ROBO1: variants seen among roughly 807,000 people sequenced by gnomAD.
ROBO1 encodes the protein roundabout guidance receptor 1.
ROBO1 carries 149 observed loss-of-function variants against 195.9 expected under a neutral mutation model. That is an observed-to-expected ratio of 0.76 (90% CI 0.67 to 0.87). ROBO1 has a LOEUF of 0.87. ROBO1 is among the 40% of genes least tolerant of loss of function. The pLI is 0.00. For missense variants in ROBO1, 1,933 were observed against 2,068.3 expected, an observed-to-expected ratio of 0.93 and a Z score of 1.27; for synonymous variants, 816 against 733.2, an observed-to-expected ratio of 1.11 and a Z score of -1.82.
intron 4 of ROBO1, among the ~76,000 whole-genome samples, chr3:78,860,832 C>T (rs1290148692): frequency 2.0e-5 from 3 of 152,120 alleles, no homozygotes; most frequent in Admixed American, 6.5e-5. Flanking sequence ...CACCTTCACC[C>T]GAAATTCTAT....
chr3:79,001,052 A>G lies in ROBO1; in HGVS notation c.173-62125T>C, dbSNP rs547156724. ...AACCAAACACCGCATGTTCTCACTCATAAGTGGGAGCTGAACAATGAGAAC... is the reference window on the plus strand; with the variant it reads ...AACCAAACACCGCATGTTCTCACTCGTAAGTGGGAGCTGAACAATGAGAAC... On this transcript the variant is annotated intron_variant, in intron 3 of 30. Coordinates refer to ENST00000464233, the MANE Select transcript of ROBO1 (RefSeq NM_002941.4). 2.0e-5 allele frequency among the ~76,000 whole-genome samples: 3 copies of G among 152,202 alleles called. No individual in the cohort carries two copies. In the South Asian group the frequency reaches 6.2e-4, roughly 32 times the overall value.
At chr3:78,867,259 C>G (rs1357143945) in intron 4 of ROBO1, among the ~76,000 whole-genome samples, 1 of 152,168 alleles carries the variant, frequency 6.6e-6, no homozygotes, top group Non-Finnish European at 1.5e-5. Context: ...AACTGGAAAA[C>G]TGCCTCCTTC....
intron 2 of ROBO1, among the ~76,000 whole-genome samples, chr3:79,502,722 T>C (rs1302153056): frequency 6.6e-6 from 1 of 151,704 alleles, no homozygotes; most frequent in Non-Finnish European, 1.5e-5. Context: ...TATGTCTAGC[T>C]AAGGGATTGT....
chr3:79,637,317 A>G (rs1945523840), intron 1 of ROBO1, among the ~76,000 whole-genome samples: 1 of 151,816 alleles, frequency 6.6e-6, no homozygotes, highest in Non-Finnish European at 1.5e-5. Flanking sequence ...AGATTGAAAC[A>G]TTTATATGAC....
chr3:79,198,695 G>A (rs2081693748), intron 2 of ROBO1, among the ~76,000 whole-genome samples: 1 of 152,032 alleles, frequency 6.6e-6, no homozygotes, highest in African/African-American at 2.4e-5. Context: ...CCATTTGTTT[G>A]TGTCCTCTTT....
At chr3:79,509,395 T>A (rs1940582507) in intron 2 of ROBO1, among the ~76,000 whole-genome samples, 1 of 152,158 alleles carries the variant, frequency 6.6e-6, no homozygotes, top group Admixed American at 6.5e-5. Flanking sequence ...AAAGACTGTA[T>A]CCTGTCTAAA....
intron 2 of ROBO1, among the ~76,000 whole-genome samples, chr3:79,207,067 T>C (rs1009737186): frequency 1.3e-5 from 2 of 152,166 alleles, no homozygotes; most frequent in African/African-American, 4.8e-5. Flanking sequence ...GAGTCACTTT[T>C]AACTTTAGAT....
At chr3:79,146,551 CATACAT>C (rs1404244009) in intron 2 of ROBO1, among the ~76,000 whole-genome samples, 4 of 151,740 alleles carry the variant, frequency 2.6e-5, no homozygotes, top group African/African-American at 9.7e-5. Flanking sequence ...GTATATATAA[CATACAT>C]ATATACATAC....
intron 30 of ROBO1, among the ~76,000 whole-genome samples, chr3:78,599,287 T>G (rs968215094): frequency 6.6e-6 from 1 of 152,082 alleles, no homozygotes; most frequent in African/African-American, 2.4e-5. Flanking sequence ...GCCATTCTGT[T>G]CCCCCAAAAG....
intron 1 of ROBO1, among the ~76,000 whole-genome samples, chr3:79,755,458 G>T (rs1704337234): frequency 6.6e-6 from 1 of 152,096 alleles, no homozygotes; most frequent in Admixed American, 6.6e-5. Context: ...CATGCCCTCT[G>T]CGTGTTAGAT....
At chr3:79,710,569 G>A (rs994796932) in intron 1 of ROBO1, among the ~76,000 whole-genome samples, 23 of 152,066 alleles carry the variant, frequency 1.5e-4, no homozygotes, top group Admixed American at 9.8e-4. Flanking sequence ...TTAAAGATAC[G>A]GTTTGAAATG....
chr3:79,000,778 C>T (rs1203920353), intron 3 of ROBO1, among the ~76,000 whole-genome samples: 1 of 152,088 alleles, frequency 6.6e-6, no homozygotes, highest in African/African-American at 2.4e-5. Flanking sequence ...TGGGTATATA[C>T]CCAAAGGATT....
intron 4 of ROBO1, among the ~76,000 whole-genome samples, chr3:78,879,075 T>C (rs1309355304): frequency 6.6e-6 from 1 of 152,218 alleles, no homozygotes; most frequent in Non-Finnish European, 1.5e-5. Context: ...CTTAATTCAC[T>C]GTGTTCTACT....
intron 14 of ROBO1, among the ~76,000 whole-genome samples, chr3:78,666,222 T>C (rs1707727795): frequency 6.6e-6 from 1 of 152,156 alleles, no homozygotes; most frequent in South Asian, 2.1e-4. Flanking sequence ...TAAACCTCTT[T>C]CCTTTATAAA....
intron 2 of ROBO1, among the ~76,000 whole-genome samples, chr3:79,298,252 T>C (rs1024257882): frequency 8.5e-5 from 13 of 152,264 alleles, no homozygotes; most frequent in African/African-American, 2.4e-4. Context: ...CATGATTGAT[T>C]GGCAACATAC....
chr3:79,033,842 T>C (rs557461107), intron 3 of ROBO1, among the ~76,000 whole-genome samples: 51 of 152,308 alleles, frequency 3.3e-4, no homozygotes, highest in Middle Eastern at 3.4e-3. Context: ...GTGCTTTTTC[T>C]GGAGCATTTG....
At chr3:78,752,213 T>G (rs1487139940) in intron 4 of ROBO1, among the ~76,000 whole-genome samples, 1 of 152,120 alleles carries the variant, frequency 6.6e-6, no homozygotes, top group Admixed American at 6.5e-5. Context: ...ACACTCCTAG[T>G]TCCCTGTCTG....
rs139888076 is a variant in ROBO1, at chr3:78,674,492, T to C, written c.1343-4191A>G. Among the ~76,000 whole-genome samples, 306 of 152,292 alleles carry C rather than the reference T, an allele frequency of 2.0e-3. 2 individuals are homozygous for C. The highest frequency in any genetic ancestry group is 7.0e-3 in the African/African-American group (293 of 41,564). ...CCACAGTGTTAAATTGTTTTCACAATATCAATAAGCTCCAAAATAAAGCAA... is the reference window on the plus strand; with the variant it reads ...CCACAGTGTTAAATTGTTTTCACAACATCAATAAGCTCCAAAATAAAGCAA... On this transcript the variant is annotated intron_variant, in intron 10 of 30. Transcript: ENST00000464233.
intron 4 of ROBO1, among the ~76,000 whole-genome samples, chr3:78,763,519 C>T (rs952879453): frequency 6.6e-6 from 1 of 152,156 alleles, no homozygotes; most frequent in Admixed American, 6.5e-5. Context: ...TAACTACATT[C>T]ACATGTGTTC....
Sources: allele counts gnomAD v4.1 joint callset (sites outside exome capture counted in the v4.1 genomes callset), GRCh38; gene constraint gnomAD v4.1.1; transcripts MANE v1.5; gene names NCBI Gene and HGNC (gene_info 2026-07-23, HGNC 2026-07-21).